Variants in VAV3 observed in about 807,000 individuals in gnomAD.
VAV3 encodes guanine nucleotide exchange factor VAV3.
A neutral mutation model predicts 131.2 loss-of-function variants in VAV3; 94 were observed. That is an observed-to-expected ratio of 0.72 (90% CI 0.61 to 0.85). VAV3 has a LOEUF of 0.85. Among genes scored for constraint, VAV3 ranks in the 40% least tolerant of loss-of-function variants. VAV3 has a pLI of 0.00. For missense variants in VAV3, 939 were observed against 1,002.7 expected (o/e 0.94, Z 0.86); for synonymous variants, 349 against 342.0 (o/e 1.02, Z -0.22).
chr1:107,954,894 T>C (rs1674733770), intron 1 of VAV3, among the ~76,000 whole-genome samples: 1 of 152,212 alleles, frequency 6.6e-6, no homozygotes, highest in Admixed American at 6.5e-5. Flanking sequence ...AAACCACTTG[T>C]TGGTGTAAGT....
chr1:107,886,908 T>TA (rs1007166599), intron 1 of VAV3, among the ~76,000 whole-genome samples: 3 of 151,998 alleles, frequency 2.0e-5, no homozygotes, highest in Admixed American at 1.3e-4. Flanking sequence ...AAATTAAGTT[T>TA]AAAAAAAATA....
At chr1:107,599,061 A>G (rs1040188936) in intron 24 of VAV3, among the ~76,000 whole-genome samples, 1 of 152,112 alleles carries the variant, frequency 6.6e-6, no homozygotes, top group Non-Finnish European at 1.5e-5. Context: ...CATACTGAAA[A>G]ATGATTTGGT....
chr1:107,751,398 G>C (rs1663716380), intron 12 of VAV3, among the ~76,000 whole-genome samples, 196 bp from the exon 13 acceptor site: 1 of 152,130 alleles, frequency 6.6e-6, no homozygotes, highest in South Asian at 2.1e-4. Flanking sequence ...ATCCCAGGGG[G>C]TATGTCAAGG....
At chr1:107,703,628 T>G (rs1311839463) in intron 17 of VAV3, among the ~76,000 whole-genome samples, 1 of 152,218 alleles carries the variant, frequency 6.6e-6, no homozygotes, top group Non-Finnish European at 1.5e-5. Context: ...TTGCCTATTT[T>G]CTGAACTCAG....
intron 2 of VAV3, among the ~76,000 whole-genome samples, chr1:107,847,811 A>AGCT (rs1177335391): frequency 6.6e-6 from 1 of 152,226 alleles, no homozygotes; most frequent in Non-Finnish European, 1.5e-5. Context: ...CCAGGACCAG[A>AGCT]GAGATTCACA....
rs1235084466 is a variant in VAV3 at position 107,760,790 on chromosome 1, G to A, written c.1011C>T (p.Leu337=). 3.1e-6 allele frequency: 5 copies of A among 1,610,386 alleles called. No individual in the cohort carries two copies. In the African/African-American group the frequency reaches 4.0e-5, roughly 13 times the overall value. The change falls in exon 10 of 27, where the codon CTC becomes CTT. Residue 337 remains leucine, a synonymous_variant. Coordinates refer to ENST00000370056, the MANE Select transcript of VAV3 (RefSeq NM_006113.5). ...ACTGTTTTAAGTTACATACCTGGAG[G>A]AGAAGGTGGTACTTTAAAACACGTT... ...PMQRVLKYHL[L]LQELVKHTTD... is the part of the protein sequence containing the mutation.
chr1:107,965,025 C>G lies in VAV3; in HGVS notation c.-156G>C. 1 of 448,506 alleles carries G rather than the reference C, an allele frequency of 2.2e-6. No homozygotes were observed. The highest frequency in any genetic ancestry group is 3.0e-6 in the Non-Finnish European group (1 of 328,330). The allele number at this position is 448,506 out of a possible 1,614,324, so 27.8% of individuals were successfully genotyped here. A position where few individuals can be genotyped will look rare whatever the true frequency, so the allele number is the denominator to read the frequency against. On this transcript the variant is annotated 5_prime_UTR_variant, in exon 1 of 27. Coordinates refer to ENST00000370056, the MANE Select transcript of VAV3 (RefSeq NM_006113.5). ...GGAGCAGGAGCCGCGGCTGACGGGT[C>G]GCGGGCGCCGCGCTAGGCTCGGCTC...
intron 18 of VAV3, chr1:107,685,838 T>C (rs1476476892): frequency 6.6e-6 from 1 of 151,712 alleles, no homozygotes; most frequent in Non-Finnish European, 1.5e-5. Context: ...CTCCCCAATC[T>C]ATATTCTCAA....
chr1:107,717,833 T>C (rs373562398), intron 15 of VAV3, among the ~76,000 whole-genome samples: 1 of 152,220 alleles, frequency 6.6e-6, no homozygotes, highest in Non-Finnish European at 1.5e-5. Flanking sequence ...ATATTGACAA[T>C]GGGGTGTTAA....
At chr1:107,960,950 AATATAAAT>A (rs1392593304) in intron 1 of VAV3, among the ~76,000 whole-genome samples, 1 of 151,174 alleles carries the variant, frequency 6.6e-6, no homozygotes, top group Non-Finnish European at 1.5e-5. Context: ...TGTATGTAAA[AATATAAAT>A]ATATAAATAA....
intron 1 of VAV3, among the ~76,000 whole-genome samples, chr1:107,952,468 T>TTTATATATATATATATATATATATA (rs1553235441): frequency 2.0e-4 from 24 of 118,990 alleles, no homozygotes; most frequent in African/African-American, 7.8e-4. Context: ...TAACAAAACT[T>TTTATATATATATATATATATATATA]TATATATATA....
chr1:107,749,001 T>C lies in VAV3; in HGVS notation c.1469A>G (p.Lys490Arg), dbSNP rs754662679. 1 of 1,612,016 alleles carries C rather than the reference T, an allele frequency of 6.2e-7. No individual in the cohort carries two copies. Among genetic ancestry groups the C allele is most frequent in the South Asian group, 1.1e-5 (1 of 90,806 alleles). ...LEFYCKTKDL[K>R]KKWLEQFEMA... Reference sequence around the variant, plus strand: ...TTCAAACTGTTCTAGCCATTTCTTCTTTAAATCTTTTGTTTTGCAATAAAA... The same window carrying C: ...TTCAAACTGTTCTAGCCATTTCTTCCTTAAATCTTTTGTTTTGCAATAAAA... The change falls in exon 15 of 27, where the codon AAG (lysine) becomes AGG (arginine). Residue 490 changes from lysine (K) to arginine (R), a missense_variant. Lys to Arg is a conservative substitution (Grantham distance 26). Transcript: ENST00000370056.
At chr1:107,961,515 A>C (rs10157462) in intron 1 of VAV3, among the ~76,000 whole-genome samples, 16,576 of 152,232 alleles carry the variant, frequency 0.11, 1,657 homozygotes, top group African/African-American at 0.27. Context: ...TCTAACATAT[A>C]CAGACACCAA....
At chr1:107,774,098 ACT>A (rs1665201802) in intron 4 of VAV3, among the ~76,000 whole-genome samples, 1 of 151,800 alleles carries the variant, frequency 6.6e-6, no homozygotes, top group Non-Finnish European at 1.5e-5. Flanking sequence ...ACAGAGTCTC[ACT>A]CTGTTGCCCA....
intron 15 of VAV3, among the ~76,000 whole-genome samples, chr1:107,736,191 A>T (rs1662617381): frequency 6.6e-6 from 1 of 152,174 alleles, no homozygotes; most frequent in Non-Finnish European, 1.5e-5. Flanking sequence ...TAAACTAGGT[A>T]CTGATGGAAC....
chr1:107,574,958 T>C (rs1649503925), intron 25 of VAV3, among the ~76,000 whole-genome samples: 1 of 120,302 alleles, frequency 8.3e-6, no homozygotes, highest in Non-Finnish European at 1.7e-5. Context: ...CAGAGTTGAG[T>C]TTCTCTGTGT....
At chr1:107,576,507 A>G in intron 25 of VAV3, 1 of 1,490,702 alleles carries the variant, frequency 6.7e-7, no homozygotes, top group South Asian at 1.3e-5. Context: ...AGAGAAGCAA[A>G]AGAGCATTTA....
chr1:107,795,366 T>G (rs189200647), intron 2 of VAV3, among the ~76,000 whole-genome samples: 21 of 152,348 alleles, frequency 1.4e-4, no homozygotes, highest in African/African-American at 4.8e-4. Flanking sequence ...CTTACAGGAC[T>G]ATCAAACAAT....
At chr1:107,664,784 A>G (rs1271674190) in intron 19 of VAV3, among the ~76,000 whole-genome samples, 1 of 152,192 alleles carries the variant, frequency 6.6e-6, no homozygotes, top group Non-Finnish European at 1.5e-5. Flanking sequence ...ATAAAGTAGG[A>G]TTCTTGGAAG....
Sources: gnomAD v4.1 joint callset for allele counts (sites outside exome capture counted in the v4.1 genomes callset) on GRCh38, gnomAD v4.1.1 for gene constraint, MANE v1.5 for transcripts, NCBI Gene and HGNC (gene_info 2026-07-23, HGNC 2026-07-21) for gene names.